TMEM163: variants seen among roughly 807,000 people sequenced by gnomAD.
TMEM163 encodes transmembrane protein 163.
Under a neutral mutation model 29.3 loss-of-function variants are expected in TMEM163, and 17 were observed. The observed-to-expected ratio is 0.58, with a 90% CI of 0.40 to 0.87. The LOEUF (loss-of-function observed/expected upper bound fraction) is 0.87, where lower values mean the gene tolerates loss of function less well. Ranked by LOEUF, TMEM163 falls within the 40% of genes least tolerant of loss-of-function variation. TMEM163 has a pLI of 0.00. For missense variants in TMEM163, 303 were observed against 381.5 expected (o/e 0.79, Z 1.71); for synonymous variants, 157 against 160.6 (o/e 0.98, Z 0.17).
At chr2:134,699,737 T>C (rs1207688329) in intron 2 of TMEM163, among the ~76,000 whole-genome samples, 1 of 152,204 alleles carries the variant, frequency 6.6e-6, no homozygotes, top group Non-Finnish European at 1.5e-5. Flanking sequence ...GTAATTATGA[T>C]ATGTCTGTTT....
intron 5 of TMEM163, among the ~76,000 whole-genome samples, chr2:134,488,903 G>C (rs79432334): frequency 1.3e-5 from 2 of 152,256 alleles, no homozygotes; most frequent in African/African-American, 4.8e-5. Flanking sequence ...CCAGGGGAGA[G>C]CAAATTAAAA....
intron 5 of TMEM163, among the ~76,000 whole-genome samples, chr2:134,488,284 AGTAAAAAG>A (rs1370944092): frequency 6.6e-6 from 1 of 152,186 alleles, no homozygotes; most frequent in Non-Finnish European, 1.5e-5. Flanking sequence ...AGCCTCCCAA[AGTAAAAAG>A]AGATTAACTT....
intron 2 of TMEM163, among the ~76,000 whole-genome samples, chr2:134,663,148 A>T: frequency 6.6e-6 from 1 of 152,252 alleles, no homozygotes; most frequent in East Asian, 1.9e-4. Context: ...AATAGAATTA[A>T]ACAGAACTGC....
chr2:134,604,586 T>C (rs1439325377), intron 2 of TMEM163, among the ~76,000 whole-genome samples: 1 of 151,830 alleles, frequency 6.6e-6, no homozygotes, highest in African/African-American at 2.4e-5. Context: ...GGGACTGGGA[T>C]GGGCAAAACC....
Position 134,600,399 on chromosome 2 carries a change from T to G in TMEM163, c.323-48308A>C, listed in dbSNP as rs973970488. 9.9e-5 allele frequency among the ~76,000 whole-genome samples: 15 copies of G among 152,232 alleles called. 1 individual carries two copies. The highest frequency in any genetic ancestry group is 4.4e-5 in the Non-Finnish European group (3 of 68,040). On this transcript the variant is annotated intron_variant, in intron 2 of 7. Transcript: ENST00000281924. ...GGGAATCTAATACCTGAGGGCCTAT[T>G]ACGTAACACTTGCCTCCAGATCCAT...
intron 4 of TMEM163, among the ~76,000 whole-genome samples, chr2:134,538,954 C>T (rs944656736): frequency 6.6e-6 from 1 of 152,002 alleles, no homozygotes; most frequent in Non-Finnish European, 1.5e-5. Context: ...GCCATTGAAC[C>T]GTACTCTTTA....
intron 2 of TMEM163, among the ~76,000 whole-genome samples, chr2:134,587,251 A>C (rs1358005267): frequency 2.0e-5 from 3 of 152,154 alleles, no homozygotes; most frequent in East Asian, 3.9e-4. Flanking sequence ...CTTCTACTAA[A>C]AATACAAAAA....
At chr2:134,679,679 T>C (rs773163677) in intron 2 of TMEM163, among the ~76,000 whole-genome samples, 5 of 152,182 alleles carry the variant, frequency 3.3e-5, no homozygotes, top group Non-Finnish European at 5.9e-5. Flanking sequence ...GGACTTAAGA[T>C]AGGGATAACT....
intron 2 of TMEM163, among the ~76,000 whole-genome samples, chr2:134,703,790 A>C (rs1439366971): frequency 6.6e-6 from 1 of 151,068 alleles, no homozygotes; most frequent in African/African-American, 2.4e-5. Flanking sequence ...AGAGGGATGG[A>C]GAATGGGGGC....
intron 5 of TMEM163, among the ~76,000 whole-genome samples, chr2:134,483,214 G>C (rs977067715): frequency 6.6e-6 from 1 of 152,134 alleles, no homozygotes; most frequent in Non-Finnish European, 1.5e-5. Flanking sequence ...GAGTCTCGGG[G>C]ACAAGCCCTC....
intron 2 of TMEM163, among the ~76,000 whole-genome samples, chr2:134,659,828 C>G (rs1385667109): frequency 2.0e-5 from 3 of 151,820 alleles, no homozygotes; most frequent in African/African-American, 7.3e-5. Context: ...CCTGTAGTCC[C>G]AAGGAGGCTG....
At chr2:134,614,278 G>A (rs1419247318) in intron 2 of TMEM163, among the ~76,000 whole-genome samples, 1 of 152,030 alleles carries the variant, frequency 6.6e-6, no homozygotes, top group East Asian at 1.9e-4. Flanking sequence ...AGGGCAAAAA[G>A]AATAGGGAAC....
intron 5 of TMEM163, among the ~76,000 whole-genome samples, chr2:134,485,600 CTCGT>C (rs1271194828): frequency 6.6e-6 from 1 of 152,148 alleles, no homozygotes; most frequent in Non-Finnish European, 1.5e-5. Flanking sequence ...TCCGGGAAAC[CTCGT>C]TCTGTTCTTA....
At chr2:134,515,855 T>G (rs1054679736) in intron 4 of TMEM163, among the ~76,000 whole-genome samples, 1 of 152,200 alleles carries the variant, frequency 6.6e-6, no homozygotes, top group Non-Finnish European at 1.5e-5. Context: ...GCTGTACTTT[T>G]GTAACAAAAA....
At chr2:134,666,140 A>C (rs1683866979) in intron 2 of TMEM163, among the ~76,000 whole-genome samples, 3 of 152,138 alleles carry the variant, frequency 2.0e-5, no homozygotes, top group Admixed American at 2.0e-4. Flanking sequence ...ACATACAGCT[A>C]ATCAGACTAA....
rs74396793 is a variant in TMEM163, at chr2:134,564,401, A to G, written c.323-12310T>C. Among the ~76,000 whole-genome samples, 172 of 152,320 alleles carry G rather than the reference A, an allele frequency of 1.1e-3. 1 individual carries two copies. Among genetic ancestry groups the G allele is most frequent in the African/African-American group, 3.9e-3 (164 of 41,572 alleles). On this transcript the variant is annotated intron_variant, in intron 2 of 7. Transcript: ENST00000281924. ...AAACTGTCGATGAGCTGTAGATATA[A>G]AAGTGTAAGGTTAACATAGGAGAGG...
rs1686370338 is a variant in TMEM163 at position 134,455,855 on chromosome 2, C to T, written c.*861G>A. 2 of 152,528 alleles carry T rather than the reference C, an allele frequency of 1.3e-5. No homozygotes were observed. The highest frequency in any genetic ancestry group is 4.8e-5 in the African/African-American group (2 of 41,452). The allele number at this position is 152,528 out of a possible 1,614,324, so 9.4% of individuals were successfully genotyped here. On this transcript the variant is annotated 3_prime_UTR_variant, in exon 8 of 8. Coordinates refer to ENST00000281924, the MANE Select transcript of TMEM163 (RefSeq NM_030923.5). ...ACAGAACGGTGCGGGTTGGGGAACA[C>T]TCTACAGAATCTAAACCTACCGTGA... is the stretch of plus-strand genomic sequence containing the variant.
chr2:134,573,411 G>T (rs112568519), intron 2 of TMEM163, among the ~76,000 whole-genome samples: 5 of 152,150 alleles, frequency 3.3e-5, no homozygotes, highest in Admixed American at 1.3e-4. Flanking sequence ...ACTTTTAGCC[G>T]CCAGGGGGTA....
intron 5 of TMEM163, among the ~76,000 whole-genome samples, chr2:134,483,348 C>T (rs748886882): frequency 1.8e-4 from 28 of 152,126 alleles, no homozygotes; most frequent in Non-Finnish European, 1.8e-4. Flanking sequence ...TCAAGCCCCT[C>T]GCAACACAGA....
Sources: allele counts gnomAD v4.1 joint callset (sites outside exome capture counted in the v4.1 genomes callset), GRCh38; gene constraint gnomAD v4.1.1; transcripts MANE v1.5; gene names NCBI Gene and HGNC (gene_info 2026-07-23, HGNC 2026-07-21).